SAMD5: variants seen among roughly 807,000 people sequenced by gnomAD.
SAMD5 encodes sterile alpha motif domain containing 5, also known as sterile alpha motif domain-containing protein 5.
In SAMD5, 13 loss-of-function variants were observed where a neutral mutation model predicts 11.3. The observed-to-expected ratio is 1.15, with a 90% CI of 0.75 to 1.83. SAMD5 has a LOEUF of 1.83. Among genes scored for constraint, SAMD5 ranks in the 40% most tolerant of loss-of-function variants. SAMD5 has a pLI of 0.00. For synonymous variants in SAMD5, 129 were observed against 111.3 expected (o/e 1.16, Z -1.00); for missense variants, 255 against 239.1 (o/e 1.07, Z -0.44).
the SAMD5 span, among the ~76,000 whole-genome samples, chr6:147,931,436 A>G: frequency 7.9e-5 from 12 of 152,188 alleles, no homozygotes; most frequent in African/African-American, 2.7e-4. Context: ...CTAGAAGTAT[A>G]ATCTCTGTCT....
intron 1 of SAMD5, among the ~76,000 whole-genome samples, chr6:147,530,895 G>A (rs1263055825): frequency 6.6e-6 from 1 of 152,170 alleles, no homozygotes; most frequent in Non-Finnish European, 1.5e-5. Flanking sequence ...CTATAAAATT[G>A]TGGAACACAA....
At chr6:147,783,591 G>T in the SAMD5 span, among the ~76,000 whole-genome samples, 2 of 152,162 alleles carry the variant, frequency 1.3e-5, no homozygotes, top group East Asian at 3.9e-4. Context: ...TAGAGACGGG[G>T]TTTCACTGTG....
the SAMD5 span, among the ~76,000 whole-genome samples, chr6:147,942,904 C>T: frequency 2.7e-5 from 4 of 149,066 alleles, no homozygotes; most frequent in East Asian, 7.9e-4. Flanking sequence ...GGCTCACTGC[C>T]GCTGCCACAA....
chr6:147,817,199 A>G, the SAMD5 span, among the ~76,000 whole-genome samples: 9 of 152,192 alleles, frequency 5.9e-5, no homozygotes, highest in Non-Finnish European at 1.3e-4. Flanking sequence ...GGGCCACATT[A>G]TGTCATATTC....
intron 1 of SAMD5, among the ~76,000 whole-genome samples, chr6:147,527,139 G>C (rs903642787): frequency 3.9e-5 from 6 of 152,100 alleles, no homozygotes; most frequent in African/African-American, 1.4e-4. Context: ...TCTTTTCATT[G>C]ATCAAAGGCA....
In SAMD5 at chr6:147,678,742, C is replaced by T. The variant is rs559025964; in HGVS notation, c.163-58575C>T. ...TTCATGGAAGAGGGAAGGGTTTTCT[C>T]ACTGTGTTACTTTAGTGTGTTCTTG... On this transcript the variant is annotated intron_variant, in intron 1 of 1. Transcript: ENST00000566741. Among the ~76,000 whole-genome samples the T allele has an allele frequency of 2.5e-4, 38 of 152,250 alleles. 2 individuals carry two copies. The highest frequency in any genetic ancestry group is 7.9e-4 in the African/African-American group (33 of 41,564).
intron 1 of SAMD5, among the ~76,000 whole-genome samples, chr6:147,585,521 T>C (rs1411218450): frequency 6.6e-6 from 1 of 152,128 alleles, no homozygotes; most frequent in African/African-American, 2.4e-5. Flanking sequence ...ACCAGAGGAC[T>C]CCTGTTTAGA....
At chr6:147,718,812 T>C (rs1791504291) in intron 1 of SAMD5, among the ~76,000 whole-genome samples, 1 of 152,028 alleles carries the variant, frequency 6.6e-6, no homozygotes, top group Non-Finnish European at 1.5e-5. Context: ...CGCCTCAGCC[T>C]CCCAAGTAGC....
chr6:147,761,651 A>T, the SAMD5 span, among the ~76,000 whole-genome samples: 2 of 152,210 alleles, frequency 1.3e-5, no homozygotes, highest in African/African-American at 4.8e-5. Flanking sequence ...GATTATTTAT[A>T]TCAGATCAAT....
At chr6:147,859,717 G>A in the SAMD5 span, among the ~76,000 whole-genome samples, 1 of 151,988 alleles carries the variant, frequency 6.6e-6, no homozygotes, top group Non-Finnish European at 1.5e-5. Flanking sequence ...GTAACCTAAT[G>A]AAGCGTACAG....
intron 1 of SAMD5, among the ~76,000 whole-genome samples, chr6:147,609,547 C>A (rs1554236639): frequency 6.6e-6 from 1 of 151,522 alleles, no homozygotes; most frequent in Non-Finnish European, 1.5e-5. Context: ...CATATTTAAT[C>A]TTTTTTTTTA....
At chr6:147,782,134 G>GA in the SAMD5 span, among the ~76,000 whole-genome samples, 24,704 of 138,428 alleles carry the variant, frequency 0.18, 2,233 homozygotes, top group East Asian at 0.36. Flanking sequence ...TTGAGATCAG[G>GA]AAAAAAAAAA....
the SAMD5 span, among the ~76,000 whole-genome samples, chr6:147,794,025 C>G: frequency 5.9e-5 from 9 of 152,230 alleles, no homozygotes; most frequent in Non-Finnish European, 1.2e-4. Flanking sequence ...TTCAAATTCA[C>G]TCTTAAAAAC....
intron 1 of SAMD5, among the ~76,000 whole-genome samples, chr6:147,525,939 A>G (rs1788332063): frequency 6.6e-6 from 1 of 152,156 alleles, no homozygotes; most frequent in Admixed American, 6.5e-5. Context: ...TTCAATTTCA[A>G]CAAGCAGCAG....
intron 1 of SAMD5, among the ~76,000 whole-genome samples, chr6:147,582,922 C>G (rs1271754491): frequency 1.3e-5 from 2 of 152,132 alleles, no homozygotes; most frequent in African/African-American, 4.8e-5. Flanking sequence ...GTGTACAGCT[C>G]AGACGTGACC....
intron 1 of SAMD5, among the ~76,000 whole-genome samples, chr6:147,625,788 T>C (rs1233073500): frequency 6.6e-6 from 1 of 152,200 alleles, no homozygotes; most frequent in Non-Finnish European, 1.5e-5. Context: ...GTATTTACTA[T>C]CTGGTTCTTT....
At chr6:147,926,535 CT>C in the SAMD5 span, among the ~76,000 whole-genome samples, 1 of 150,616 alleles carries the variant, frequency 6.6e-6, no homozygotes, top group Admixed American at 6.6e-5. Flanking sequence ...GTTTTTTTTT[CT>C]TGTAAATTTT....
chr6:147,596,891 A>G (rs1247886340), intron 1 of SAMD5, among the ~76,000 whole-genome samples: 3 of 152,192 alleles, frequency 2.0e-5, no homozygotes, highest in African/African-American at 2.4e-5. Flanking sequence ...ATGTTTCTTT[A>G]CATTTATTCA....
the SAMD5 span, among the ~76,000 whole-genome samples, chr6:147,935,087 G>A: frequency 6.6e-6 from 1 of 152,164 alleles, no homozygotes; most frequent in African/African-American, 2.4e-5. Flanking sequence ...ATGTGATTTA[G>A]CAAACGTACA....
Sources: allele counts gnomAD v4.1 joint callset (sites outside exome capture counted in the v4.1 genomes callset), GRCh38; gene constraint gnomAD v4.1.1; transcripts MANE v1.5; gene names NCBI Gene and HGNC (gene_info 2026-07-23, HGNC 2026-07-21).